The following SYT7 variants were observed in gnomAD, a reference collection of about 807,000 sequenced individuals.
The protein encoded by SYT7 is synaptotagmin-7.
In SYT7, 29 loss-of-function variants were observed where a neutral mutation model predicts 75.1. The observed-to-expected ratio is 0.39, with a 90% CI of 0.29 to 0.53. SYT7 has a LOEUF of 0.53. Ranked by LOEUF, SYT7 falls within the 20% of genes least tolerant of loss-of-function variation. The probability of loss-of-function intolerance (pLI) is 0.77; values close to 1 mark genes in which losing one functional copy is unlikely to be tolerated. For missense variants in SYT7, 693 were observed against 953.2 expected (o/e 0.73, Z 3.59); for synonymous variants, 376 against 401.7 (o/e 0.94, Z 0.76).
intron 12 of SYT7, among the ~76,000 whole-genome samples, chr11:61,520,277 A>G (rs1377974231): frequency 6.6e-6 from 1 of 151,680 alleles, no homozygotes; most frequent in Non-Finnish European, 1.5e-5. Context: ...TAATCCCAGC[A>G]CTGTAGGAGG....
At chr11:61,526,766 A>G (rs1296423724) in intron 9 of SYT7, among the ~76,000 whole-genome samples, 1 of 152,148 alleles carries the variant, frequency 6.6e-6, no homozygotes, top group Non-Finnish European at 1.5e-5. Flanking sequence ...ACGGGCCCTC[A>G]TGGTGCCTGC....
intron 2 of SYT7, among the ~76,000 whole-genome samples, chr11:61,555,271 G>T (rs766442958): frequency 4.6e-5 from 7 of 152,226 alleles, no homozygotes; most frequent in African/African-American, 1.7e-4. Context: ...CGCCAAAGGC[G>T]TAGCACCTCG....
intron 1 of SYT7, among the ~76,000 whole-genome samples, chr11:61,577,207 A>G (rs1302427289): frequency 6.6e-6 from 1 of 152,306 alleles, no homozygotes; most frequent in East Asian, 1.9e-4. Context: ...ACCCTGGCCC[A>G]TGCCCCATTG....
At chr11:61,564,315 C>T (rs140514187) in intron 1 of SYT7, among the ~76,000 whole-genome samples, 180 of 152,296 alleles carry the variant, frequency 1.2e-3, no homozygotes, top group African/African-American at 4.3e-3. Flanking sequence ...CCATCACCCG[C>T]AAGCCCTCCC....
At chr11:61,554,308 C>CCA (rs138109850) in intron 2 of SYT7, among the ~76,000 whole-genome samples, 11 of 151,718 alleles carry the variant, frequency 7.3e-5, no homozygotes, top group African/African-American at 2.4e-4. Flanking sequence ...ACACCCACAC[C>CCA]CACACACACA....
At chr11:61,583,053 C>A (rs1048580209), upstream of SYT7, among the ~76,000 whole-genome samples, 1 of 151,928 alleles carries the variant, frequency 6.6e-6, no homozygotes, top group Non-Finnish European at 1.5e-5. Context: ...ATGGTGAGAC[C>A]CCATATCTAC....
chr11:61,531,725 C>T (rs927284771), intron 8 of SYT7, among the ~76,000 whole-genome samples: 32 of 151,890 alleles, frequency 2.1e-4, no homozygotes, highest in South Asian at 4.2e-4. Flanking sequence ...GAAACCCCGT[C>T]TCTACTAAAA....
Position 61,580,710 on chromosome 11 carries a change from G to C in SYT7, c.31+80C>G, listed in dbSNP as rs2064236958. ...CCGGGCGGACAACAGCCCCAGGCTG[G>C]GGCTCCGAGACGGCGTCCGGCGCTG... On this transcript the variant is annotated intron_variant, in intron 1 of 12. Coordinates refer to ENST00000539008, the MANE Select transcript of SYT7 (RefSeq NM_001365809.2). This position sits in a 1 kb window ranked among gnomAD's most constrained non-coding sequence, Gnocchi z 6.1. 2.0e-6 allele frequency: 2 copies of C among 993,262 alleles called. No individual in the cohort carries two copies. Among genetic ancestry groups the C allele is most frequent in the Non-Finnish European group, 2.6e-6 (2 of 777,130 alleles). The allele number at this position is 993,262 out of a possible 1,614,324, so 61.5% of individuals were successfully genotyped here.
Position 61,542,363 on chromosome 11 carries a change from G to C in SYT7, c.789C>G (p.Asn263Lys). The C allele has an allele frequency of 6.5e-7, 1 of 1,530,714 alleles. No individual in the cohort carries two copies. 94.8% of individuals were successfully genotyped at this position (1,530,714 alleles called of 1,614,324 possible). A position where few individuals can be genotyped will look rare whatever the true frequency, so the allele number is the denominator to read the frequency against. ...QAHMASAPGP[N>K]PRAYGRGQAR... ...CCTGGCCCCGGCCATAGGCCCGGGGGTTGGGGCCTGGTGCCGAGGCCATGT... is the reference window on the plus strand; with the variant it reads ...CCTGGCCCCGGCCATAGGCCCGGGGCTTGGGGCCTGGTGCCGAGGCCATGT... The change falls in exon 6 of 13, where the codon AAC becomes AAG. Residue 263 changes from asparagine to lysine, a missense_variant. This residue lies in a region of SYT7 where 487 missense variants were observed against 593.2 expected (regional missense o/e 0.82). Transcript: ENST00000539008. This position sits in a 1 kb window ranked among gnomAD's most constrained non-coding sequence, Gnocchi z 7.8.
upstream of SYT7, among the ~76,000 whole-genome samples, chr11:61,583,702 C>T (rs1382201190): frequency 6.6e-6 from 1 of 152,228 alleles, no homozygotes; most frequent in African/African-American, 2.4e-5. Flanking sequence ...TCATCCTCTC[C>T]TCACGGGCAT....
intron 1 of SYT7, among the ~76,000 whole-genome samples, chr11:61,558,395 G>A (rs1026436360): frequency 9.2e-5 from 14 of 152,106 alleles, no homozygotes; most frequent in African/African-American, 3.4e-4. Flanking sequence ...GGGGGTTGGA[G>A]GGGGGCGGAG....
rs1329482708 is a variant in SYT7, at chr11:61,542,203, G to A, written c.941+8C>T. On this transcript the variant is annotated splice_region_variant and intron_variant, in intron 6 of 12. Coordinates refer to ENST00000539008, the MANE Select transcript of SYT7 (RefSeq NM_001365809.2). The surrounding 1 kb of genome is among the most constrained non-coding windows in gnomAD (Gnocchi z 7.8). Reference sequence around the variant, plus strand: ...GTGGGGGCCGGCCCGCTCAAGGGGAGGACTTACAGGAAGGATTTCATGTCC... The same window carrying A: ...GTGGGGGCCGGCCCGCTCAAGGGGAAGACTTACAGGAAGGATTTCATGTCC... The A allele has an allele frequency of 8.5e-6, 13 of 1,532,750 alleles. No individual in the cohort carries two copies. In the South Asian group the frequency reaches 1.5e-4, roughly 18 times the overall value. 94.9% of individuals were successfully genotyped at this position (1,532,750 alleles called of 1,614,324 possible).
rs2062116704 is a variant in SYT7, at chr11:61,515,104, T to C, written c.*3523A>G. 6.6e-6 allele frequency among the ~76,000 whole-genome samples: 1 copy of C among 152,206 alleles called. No individual in the cohort carries two copies. The highest frequency in any genetic ancestry group is 1.5e-5 in the Non-Finnish European group (1 of 68,038). On this transcript the variant is annotated 3_prime_UTR_variant, in exon 13 of 13. Coordinates refer to ENST00000539008, the MANE Select transcript of SYT7 (RefSeq NM_001365809.2). Reference sequence around the variant, plus strand: ...CTGGGAGATGTAGCTGCCTCTCTGCTTTCTGGGAAGCCAGTGGGATCATAT... The same window carrying C: ...CTGGGAGATGTAGCTGCCTCTCTGCCTTCTGGGAAGCCAGTGGGATCATAT...
rs1288316181 is a variant in SYT7, at chr11:61,516,340, A to G, written c.*2287T>C. On this transcript the variant is annotated 3_prime_UTR_variant, in exon 13 of 13. Transcript: ENST00000539008. The surrounding 1 kb of genome is among the most constrained non-coding windows in gnomAD (Gnocchi z 4.6). ...GCCTGGGTGGGGTCTGGTTGGGAAG[A>G]GACCCCTGCCAGGAGATGCTCTCTG... 1 of 152,180 alleles carries G rather than the reference A, an allele frequency of 6.6e-6. No homozygotes were observed. Among genetic ancestry groups the G allele is most frequent in the African/African-American group, 2.4e-5 (1 of 41,438 alleles). The allele number at this position is 152,180 out of a possible 1,614,324, so 9.4% of individuals were successfully genotyped here.
At chr11:61,549,980 G>A (rs2063302368) in intron 3 of SYT7, among the ~76,000 whole-genome samples, 1 of 152,184 alleles carries the variant, frequency 6.6e-6, no homozygotes, top group South Asian at 2.1e-4. Flanking sequence ...GCCCGCGGCT[G>A]TAAACGGCCT....
At chr11:61,541,646 G>A (rs1362114398) in intron 6 of SYT7, among the ~76,000 whole-genome samples, 1 of 151,344 alleles carries the variant, frequency 6.6e-6, no homozygotes, top group East Asian at 2.0e-4. Flanking sequence ...GCGGGAGCTG[G>A]AGGACAGGTG....
rs1434400096 is a variant in SYT7 at position 61,514,064 on chromosome 11, T to G, written c.*4563A>C. Among the ~76,000 whole-genome samples the G allele has an allele frequency of 1.3e-4, 19 of 143,438 alleles. No homozygotes were observed. Among genetic ancestry groups the G allele is most frequent in the African/African-American group, 3.4e-4 (13 of 38,004 alleles). The allele number at this position is 143,438 out of a possible 152,430, so 94.1% of individuals were successfully genotyped here. ...CGGTGGTCCCAGGTACAGGGAGGGG[T>G]GGGGGAGCATCTCAGAGCAGGCATG... On this transcript the variant is annotated 3_prime_UTR_variant, in exon 13 of 13. Transcript: ENST00000539008.
At chr11:61,537,861 G>A (rs1310207035) in intron 7 of SYT7, among the ~76,000 whole-genome samples, 2 of 152,124 alleles carry the variant, frequency 1.3e-5, no homozygotes, top group Non-Finnish European at 2.9e-5. Context: ...CAGGAAGATG[G>A]GGCAGAAAAG....
chr11:61,567,557 A>G (rs2063804778), intron 1 of SYT7, among the ~76,000 whole-genome samples: 1 of 152,174 alleles, frequency 6.6e-6, no homozygotes, highest in Non-Finnish European at 1.5e-5. Flanking sequence ...CTATGGCAGC[A>G]CCCAGTGACC....
Sources: allele counts gnomAD v4.1 joint callset (sites outside exome capture counted in the v4.1 genomes callset), GRCh38; gene constraint gnomAD v4.1.1; regional missense constraint gnomAD v4.1.1; non-coding constraint Gnocchi (gnomAD v3.1); transcripts MANE v1.5; gene names NCBI Gene and HGNC (gene_info 2026-07-23, HGNC 2026-07-21).